Variants in KIAA1671 observed in about 807,000 individuals in gnomAD.
KIAA1671 encodes the protein uncharacterized protein KIAA1671.
KIAA1671 carries 52 observed loss-of-function variants against 131.2 expected under a neutral mutation model. The observed-to-expected ratio is 0.40, with a 90% CI of 0.32 to 0.50. The LOEUF is 0.50. KIAA1671 is among the 20% of genes least tolerant of loss of function. The pLI is 0.73. For missense variants in KIAA1671, 2,360 were observed against 2,364.2 expected, an observed-to-expected ratio of 1.00 and a Z score of 0.04; for synonymous variants, 1,003 against 961.6, an observed-to-expected ratio of 1.04 and a Z score of -0.80.
chr22:25,068,297 G>A (rs1479914150), intron 6 of KIAA1671, among the ~76,000 whole-genome samples: 4 of 151,764 alleles, frequency 2.6e-5, no homozygotes, highest in East Asian at 3.9e-4. Flanking sequence ...GTCAGGCAGC[G>A]AGCAGCTGAG....
At chr22:25,102,704 A>G (rs1930753488) in intron 6 of KIAA1671, 1 of 152,252 alleles carries the variant, frequency 6.6e-6, no homozygotes, top group Non-Finnish European at 1.5e-5. Context: ...CAGCCTCCCA[A>G]AGTGCTGGGA....
intron 6 of KIAA1671, among the ~76,000 whole-genome samples, chr22:25,105,825 G>GA (rs897786499): frequency 6.6e-6 from 1 of 151,960 alleles, no homozygotes. Context: ...AAGTTGGGGG[G>GA]GGGGGGTGCC....
At chr22:25,126,942 G>C (rs563336896) in intron 6 of KIAA1671, among the ~76,000 whole-genome samples, 1 of 152,318 alleles carries the variant, frequency 6.6e-6, no homozygotes, top group Non-Finnish European at 1.5e-5. Flanking sequence ...GTGTATCCCA[G>C]TTGTGCAGCT....
At position 25,025,659 on chromosome 22, in the gene KIAA1671, C is replaced by A. The variant is rs1250112980; in HGVS notation, c.-181C>A. 6.6e-6 allele frequency: 1 copy of A among 152,214 alleles called. No homozygotes were observed. Among genetic ancestry groups the A allele is most frequent in the South Asian group, 2.1e-4 (1 of 4,824 alleles). 9.4% of individuals were successfully genotyped at this position (152,214 alleles called of 1,614,324 possible). A position where few individuals can be genotyped will look rare whatever the true frequency, so the allele number is the denominator to read the frequency against. On this transcript the variant is annotated 5_prime_UTR_variant, in exon 2 of 13. Coordinates refer to ENST00000358431, the MANE Select transcript of KIAA1671 (RefSeq NM_001145206.2). ...CCTGCTGAAACTCAGCCTGCTGGGA[C>A]GAGTCTTCTTTCCCCCTTCTTGTTT...
At chr22:25,042,034 A>T (rs1035925755) in intron 5 of KIAA1671, among the ~76,000 whole-genome samples, 1 of 152,144 alleles carries the variant, frequency 6.6e-6, no homozygotes, top group African/African-American at 2.4e-5. Flanking sequence ...GTGTGCCACC[A>T]TGCCTGGCCC....
chr22:25,089,266 AT>A (rs34941122), intron 6 of KIAA1671, among the ~76,000 whole-genome samples: 140 of 89,266 alleles, frequency 1.6e-3, no homozygotes, highest in Middle Eastern at 7.5e-3. Flanking sequence ...TGTGTGTTTA[AT>A]TTTTTTTTTT....
chr22:25,124,895 T>C (rs1932106112), intron 6 of KIAA1671, among the ~76,000 whole-genome samples: 1 of 152,152 alleles, frequency 6.6e-6, no homozygotes, highest in South Asian at 2.1e-4. Context: ...TAGCTGGGAC[T>C]ACAGGCATGT....
At chr22:25,182,759 G>C (rs1035867530) in intron 10 of KIAA1671, among the ~76,000 whole-genome samples, 17 of 152,196 alleles carry the variant, frequency 1.1e-4, no homozygotes, top group African/African-American at 4.1e-4. Context: ...TCCAACTGGT[G>C]ACGCTCACCA....
intron 6 of KIAA1671, among the ~76,000 whole-genome samples, chr22:25,080,950 C>T (rs1474974997): frequency 1.3e-5 from 2 of 152,160 alleles, no homozygotes; most frequent in Non-Finnish European, 2.9e-5. Flanking sequence ...AAGTGGACCC[C>T]ACTCTCAGAT....
At chr22:25,071,637 G>A (rs1055159826) in intron 6 of KIAA1671, among the ~76,000 whole-genome samples, 4 of 152,206 alleles carry the variant, frequency 2.6e-5, no homozygotes, top group Non-Finnish European at 5.9e-5. Context: ...GGTTTGCAAG[G>A]TCTGGATAAC....
At chr22:25,141,827 G>A (rs904372944) in intron 6 of KIAA1671, among the ~76,000 whole-genome samples, 8 of 152,120 alleles carry the variant, frequency 5.3e-5, no homozygotes, top group African/African-American at 1.7e-4. Context: ...ACAAGTTCAC[G>A]AGCCTGTCTG....
At position 25,147,672 on chromosome 22, in the gene KIAA1671, C is replaced by G. The variant is rs1855850020; in HGVS notation, c.4531-23148C>G. On this transcript the variant is annotated intron_variant, in intron 6 of 12. Transcript: ENST00000358431. ...AGCCCTATTTAAAATCATAACATTC[C>G]CTCCTCTCCCACTCTTCAGCCCCTC... Among the ~76,000 whole-genome samples, 4 of 152,144 alleles carry G rather than the reference C, an allele frequency of 2.6e-5. No individual in the cohort carries two copies. In the South Asian group the frequency reaches 8.3e-4, roughly 32 times the overall value.
At chr22:25,113,901 C>T (rs1931520394) in intron 6 of KIAA1671, among the ~76,000 whole-genome samples, 1 of 152,216 alleles carries the variant, frequency 6.6e-6, no homozygotes. Flanking sequence ...TGCTCTGTCT[C>T]TGTTTGTTTC....
At chr22:25,161,743 G>A (rs1400667849) in intron 6 of KIAA1671, among the ~76,000 whole-genome samples, 2 of 152,144 alleles carry the variant, frequency 1.3e-5, no homozygotes, top group African/African-American at 4.8e-5. Flanking sequence ...CCAATCCTTG[G>A]TCTCCAGCCC....
At chr22:25,185,221 C>T in intron 11 of KIAA1671, 102 bp downstream of exon 11, 2 of 1,244,830 alleles carry the variant, frequency 1.6e-6, no homozygotes, top group South Asian at 3.4e-5. Context: ...AAGAGAGTTA[C>T]AACTTTTTAA....
chr22:25,047,482 T>C (rs1397484217), intron 5 of KIAA1671, among the ~76,000 whole-genome samples: 13 of 148,962 alleles, frequency 8.7e-5, no homozygotes, highest in Non-Finnish European at 1.8e-4. Flanking sequence ...TTTTTTTTTT[T>C]TTTTGAGATG....
intron 4 of KIAA1671, among the ~76,000 whole-genome samples, chr22:25,036,611 A>G (rs894547153): frequency 1.3e-5 from 2 of 152,250 alleles, no homozygotes; most frequent in African/African-American, 4.8e-5. Context: ...GTATTTGAAC[A>G]AGGGAACAAA....
intron 6 of KIAA1671, among the ~76,000 whole-genome samples, chr22:25,100,172 GCTCTTC>G (rs1451462658): frequency 1.3e-5 from 2 of 152,222 alleles, no homozygotes; most frequent in Non-Finnish European, 2.9e-5. Flanking sequence ...GCAGAGCCTG[GCTCTTC>G]CTCTCCATTC....
intron 6 of KIAA1671, among the ~76,000 whole-genome samples, chr22:25,157,696 T>A (rs1380105563): frequency 6.6e-6 from 1 of 152,194 alleles, no homozygotes; most frequent in African/African-American, 2.4e-5. Context: ...TCTCCCCTGA[T>A]TATTTTGGGC....
Sources: allele counts gnomAD v4.1 joint callset (sites outside exome capture counted in the v4.1 genomes callset), GRCh38; gene constraint gnomAD v4.1.1; transcripts MANE v1.5; gene names NCBI Gene and HGNC (gene_info 2026-07-23, HGNC 2026-07-21).